Variants in CERS5 observed in about 807,000 individuals in gnomAD.
The protein encoded by CERS5 is ceramide synthase 5, also known as LAG1 homolog, ceramide synthase 5.
In CERS5, 37 loss-of-function variants were observed where a neutral mutation model predicts 58.9. That is an observed-to-expected ratio of 0.63 (90% confidence interval 0.48 to 0.83). The LOEUF (loss-of-function observed/expected upper bound fraction) is 0.83. Among genes scored for constraint, CERS5 ranks in the 40% least tolerant of loss-of-function variants. The probability of loss-of-function intolerance (pLI) is 0.00; values close to 1 mark genes in which losing one functional copy is unlikely to be tolerated. For missense variants in CERS5, 398 were observed against 489.3 expected (o/e 0.81, Z 1.76); for synonymous variants, 147 against 177.8 (o/e 0.83, Z 1.38).
At position 50,144,049 on chromosome 12, in the gene CERS5, G is replaced by A; in HGVS notation, c.206C>T (p.Ala69Val). 1 of 1,603,782 alleles carries A rather than the reference G, an allele frequency of 6.2e-7. No homozygotes were observed. Among genetic ancestry groups the A allele is most frequent in the Non-Finnish European group, 8.5e-7 (1 of 1,170,828 alleles). ...GCCAATACAGAGTGCACAGGGTTTG[G>A]CAATAAATCTGTAATGGAGAAAACC... ...FVRLLFERFI[A>V]KPCALCIGIE... The change falls in exon 2 of 10, where the codon GCC becomes GTC. Residue 69 changes from alanine (A) to valine (V), a missense_variant. Ala to Val is a moderately conservative substitution (Grantham distance 64, BLOSUM62 0). This residue lies in a region of CERS5 where 328 missense variants were observed against 384.5 expected (regional missense o/e 0.85). Coordinates refer to ENST00000317551, the MANE Select transcript of CERS5 (RefSeq NM_147190.5).
rs758932233 is a variant in CERS5, at chr12:50,137,839, T to A, written c.544-19A>T. Reference sequence around the variant, plus strand: ...AAAGAGGCTGGAAGAGAGAAAGAAGTAGTTAGATTACCGGCTAGTCAAAGG... The same window carrying A: ...AAAGAGGCTGGAAGAGAGAAAGAAGAAGTTAGATTACCGGCTAGTCAAAGG... On this transcript the variant is annotated intron_variant, in intron 5 of 9. Transcript: ENST00000317551. The A allele has an allele frequency of 6.7e-7, 1 of 1,496,568 alleles. No homozygotes were observed. Among genetic ancestry groups the A allele is most frequent in the Non-Finnish European group, 9.3e-7 (1 of 1,075,456 alleles). The allele number at this position is 1,496,568 out of a possible 1,614,324, so 92.7% of individuals were successfully genotyped here.
chr12:50,153,726 AGGC>A, intron 1 of CERS5: 1 of 259,930 alleles, frequency 3.8e-6, no homozygotes, highest in South Asian at 3.1e-5. Context: ...AGGCTGAGGC[AGGC>A]GGATCACCTG....
intron 1 of CERS5, among the ~76,000 whole-genome samples, chr12:50,150,136 CATATAAAAAG>C: frequency 6.6e-6 from 1 of 152,220 alleles, no homozygotes; most frequent in East Asian, 1.9e-4. Flanking sequence ...CCAAAGTAGA[CATATAAAAAG>C]AACAGGAGTT....
At chr12:50,165,738 C>G (rs983643937) in intron 1 of CERS5, 1 of 234,046 alleles carries the variant, frequency 4.3e-6, no homozygotes, top group Non-Finnish European at 8.7e-6. Flanking sequence ...ATATTCCCAT[C>G]CTAGAAAGGG....
At chr12:50,140,801 G>A (rs1951930111) in intron 4 of CERS5, among the ~76,000 whole-genome samples, 1 of 149,848 alleles carries the variant, frequency 6.7e-6, no homozygotes, top group Non-Finnish European at 1.5e-5. Flanking sequence ...AGGTAAAACT[G>A]GTTGATCATG....
At chr12:50,148,925 AAAATATAT>A (rs1441986856) in intron 1 of CERS5, among the ~76,000 whole-genome samples, 153 of 57,048 alleles carry the variant, frequency 2.7e-3, no homozygotes, top group South Asian at 4.0e-3. Context: ...AAAAAAAAAA[AAAATATAT>A]ATATATATAT....
At chr12:50,131,011 C>G (rs939810274) in intron 9 of CERS5, among the ~76,000 whole-genome samples, 3 of 152,206 alleles carry the variant, frequency 2.0e-5, no homozygotes, top group African/African-American at 7.2e-5. Context: ...CACCCTTTCT[C>G]TTCTTCCACT....
At chr12:50,139,914 T>C (rs1174247727) in intron 4 of CERS5, among the ~76,000 whole-genome samples, 1 of 152,170 alleles carries the variant, frequency 6.6e-6, no homozygotes, top group Non-Finnish European at 1.5e-5. Context: ...CTATAGAGAC[T>C]GGATCTCGCC....
chr12:50,133,619 GA>G, intron 9 of CERS5: 1 of 985,396 alleles, frequency 1.0e-6, no homozygotes, highest in Non-Finnish European at 1.2e-6. Flanking sequence ...ATGTCAAAAA[GA>G]AAAATATGAA....
At chr12:50,139,338 G>A (rs764811791) in intron 4 of CERS5, among the ~76,000 whole-genome samples, 3 of 151,854 alleles carry the variant, frequency 2.0e-5, no homozygotes, top group African/African-American at 4.8e-5. Context: ...AAATTAGCCC[G>A]GTGTGGTTGT....
chr12:50,137,917 A>G, intron 5 of CERS5, 97 bp from the exon 6 acceptor site: 1 of 740,876 alleles, frequency 1.3e-6, no homozygotes, highest in Non-Finnish European at 2.4e-6. Flanking sequence ...ACCCCAAATT[A>G]TTAGACATCT....
rs549813720 is a variant in CERS5 at position 50,150,045 on chromosome 12, A to G, written c.198-5988T>C. Among the ~76,000 whole-genome samples, 7 of 152,362 alleles carry G rather than the reference A, an allele frequency of 4.6e-5. 1 individual carries two copies. The South Asian group carries it at 1.0e-3, about 23-fold the overall frequency. On this transcript the variant is annotated intron_variant, in intron 1 of 9. Coordinates refer to ENST00000317551, the MANE Select transcript of CERS5 (RefSeq NM_147190.5). ...GCGTGAGCCAGCATACTCAGCCACA[A>G]ATGTTATTTTTTATGTGTGCAGCAA...
chr12:50,163,450 G>A lies in CERS5; in HGVS notation c.197+3651C>T, dbSNP rs560181799. On this transcript the variant is annotated intron_variant, in intron 1 of 9. Transcript: ENST00000317551. Reference sequence around the variant, plus strand: ...TGACCTCAAGTGATCTGCCTGCCTCGGCCTCCCAAAGTGCTGGGATTACAG... The same window carrying A: ...TGACCTCAAGTGATCTGCCTGCCTCAGCCTCCCAAAGTGCTGGGATTACAG... Among the ~76,000 whole-genome samples, 6 of 150,322 alleles carry A rather than the reference G, an allele frequency of 4.0e-5. No individual in the cohort carries two copies. The East Asian group carries it at 1.0e-3, about 25-fold the overall frequency.
chr12:50,157,270 A>G (rs1374268079), intron 1 of CERS5, among the ~76,000 whole-genome samples: 1 of 151,948 alleles, frequency 6.6e-6, no homozygotes, highest in African/African-American at 2.4e-5. Flanking sequence ...AATACTTAAT[A>G]AACTACCCTT....
intron 4 of CERS5, among the ~76,000 whole-genome samples, chr12:50,140,522 C>T (rs1339467475): frequency 6.6e-6 from 1 of 151,966 alleles, no homozygotes; most frequent in African/African-American, 2.4e-5. Context: ...TGAACTCAGG[C>T]AACCTGCCTG....
intron 1 of CERS5, among the ~76,000 whole-genome samples, chr12:50,146,579 G>A (rs115416586): frequency 0.013 from 2,023 of 152,328 alleles, 40 homozygotes; most frequent in African/African-American, 0.045. Flanking sequence ...ACATTTGACA[G>A]CCGGGCGCAG....
intron 1 of CERS5, among the ~76,000 whole-genome samples, chr12:50,157,504 A>G (rs917935948): frequency 4.6e-5 from 7 of 152,014 alleles, no homozygotes; most frequent in African/African-American, 1.7e-4. Flanking sequence ...TTAGATACCT[A>G]CAGTTTCATG....
chr12:50,150,085 G>A (rs1937783515), intron 1 of CERS5, among the ~76,000 whole-genome samples: 1 of 152,152 alleles, frequency 6.6e-6, no homozygotes, highest in African/African-American at 2.4e-5. Flanking sequence ...TCCAGATTGA[G>A]AAGTACCAGC....
chr12:50,134,891 G>A, intron 8 of CERS5, 189 bp from the exon 9 acceptor site: 1 of 568,256 alleles, frequency 1.8e-6, no homozygotes, highest in South Asian at 2.3e-5. Context: ...TCTATCCTTA[G>A]GGACAGAGAA....
Sources: gnomAD v4.1 joint callset for allele counts (sites outside exome capture counted in the v4.1 genomes callset) on GRCh38, gnomAD v4.1.1 for gene constraint, gnomAD v4.1.1 regional missense constraint, MANE v1.5 for transcripts, NCBI Gene and HGNC (gene_info 2026-07-23, HGNC 2026-07-21) for gene names.